The following ZNF66 variants were observed in gnomAD, a reference collection of about 807,000 sequenced individuals.
ZNF66 encodes the protein putative zinc finger protein 66.
In ZNF66, 32 loss-of-function variants were observed where a neutral mutation model predicts 35.2. That is an observed-to-expected ratio of 0.91 (90% CI 0.69 to 1.22). ZNF66 has a LOEUF of 1.22. Among genes scored for constraint, ZNF66 ranks in the 50% most tolerant of loss-of-function variants. The probability of loss-of-function intolerance (pLI) is 0.00; values close to 1 mark genes in which losing one functional copy is unlikely to be tolerated. For missense variants in ZNF66, 666 were observed against 543.1 expected (o/e 1.23, Z -2.25); for synonymous variants, 231 against 181.3 (o/e 1.27, Z -2.20).
chr19:20,793,096 A>C (rs1489915452), intron 2 of ZNF66, among the ~76,000 whole-genome samples: 4 of 151,586 alleles, frequency 2.6e-5, no homozygotes, highest in Admixed American at 1.3e-4. Context: ...GAAAGAAAAA[A>C]ATTTCTTCAA....
chr19:20,797,712 T>C (rs653199), intron 3 of ZNF66, among the ~76,000 whole-genome samples: 112,868 of 151,732 alleles, frequency 0.74, 42,374 homozygotes, highest in Non-Finnish European at 0.79. Flanking sequence ...TACTGGCGTG[T>C]GCCACCATGC....
At position 20,807,294 on chromosome 19, in the gene ZNF66, A is replaced by G. The variant is rs1368392766; in HGVS notation, c.1694A>G (p.Tyr565Cys). 1.5e-6 allele frequency: 1 copy of G among 660,414 alleles called. No individual in the cohort carries two copies. The highest frequency in any genetic ancestry group is 2.6e-5 in the Admixed American group (1 of 37,996). The allele number at this position is 660,414 out of a possible 1,614,324, so 40.9% of individuals were successfully genotyped here. A position where few individuals can be genotyped will look rare whatever the true frequency, so the allele number is the denominator to read the frequency against. ...ATAATTCATATGGGAGGGAATCCCT[A>G]CAAATGTGAAAATGTGGCAAAGCCT... ...HEIIHMGGNP[Y>C]KCENVAKP The change falls in exon 4 of 4, where the codon TAC (tyrosine) becomes TGC (cysteine). Residue 565 changes from tyrosine (Y) to cysteine (C), a missense_variant. Transcript: ENST00000344519.
intron 1 of ZNF66, among the ~76,000 whole-genome samples, chr19:20,783,471 T>C (rs1469032299): frequency 3.3e-5 from 5 of 152,236 alleles, no homozygotes; most frequent in Non-Finnish European, 7.3e-5. Flanking sequence ...ATTATCTTTA[T>C]CTGGTACTTC....
At chr19:20,797,999 C>A (rs1177766879) in intron 3 of ZNF66, among the ~76,000 whole-genome samples, 1 of 152,136 alleles carries the variant, frequency 6.6e-6, no homozygotes, top group Non-Finnish European at 1.5e-5. Context: ...ATGTCTGTCA[C>A]AATCAGGTTA....
chr19:20,786,632 CAGAG>C (rs1971289625), intron 1 of ZNF66, among the ~76,000 whole-genome samples: 2 of 150,420 alleles, frequency 1.3e-5, no homozygotes, highest in African/African-American at 4.9e-5. Flanking sequence ...TTATCAAACT[CAGAG>C]AGACATTAAA....
intron 1 of ZNF66, chr19:20,784,877 A>G (rs1971273487): frequency 6.5e-6 from 1 of 152,680 alleles, no homozygotes; most frequent in Admixed American, 6.6e-5. Flanking sequence ...CCTTCTCTCA[A>G]AATTATCTTG....
In ZNF66 at chr19:20,792,518, T is replaced by C; in HGVS notation, c.10T>C (p.Leu4=). 2 of 1,528,584 alleles carry C rather than the reference T, an allele frequency of 1.3e-6. No individual in the cohort carries two copies. Among genetic ancestry groups the C allele is most frequent in the East Asian group, 2.3e-5 (1 of 44,206 alleles). The allele number at this position is 1,528,584 out of a possible 1,614,324, so 94.7% of individuals were successfully genotyped here. A position where few individuals can be genotyped will look rare whatever the true frequency, so the allele number is the denominator to read the frequency against. ...GTGTGTGTATATTTTTCAGGGGCCA[T>C]TGCAATTTAGAGATGTGGCCATAGA... MGP[L]QFRDVAIEFS... is the part of the protein sequence containing the mutation. Residue 4 remains leucine, a synonymous_variant, in exon 2 of 4, where the codon TTG becomes CTG. Transcript: ENST00000344519.
chr19:20,798,140 C>T (rs1482199973), intron 3 of ZNF66, among the ~76,000 whole-genome samples: 1 of 151,660 alleles, frequency 6.6e-6, no homozygotes, highest in African/African-American at 2.4e-5. Context: ...CTTATTTTAC[C>T]ATGTGTTTAG....
chr19:20,790,194 A>C (rs184143478), intron 1 of ZNF66, among the ~76,000 whole-genome samples: 1 of 152,394 alleles, frequency 6.6e-6, no homozygotes, highest in East Asian at 1.9e-4. Context: ...CTTAGTGATT[A>C]TCAGCCCAGG....
chr19:20,776,312 C>A lies in ZNF66; in HGVS notation c.-136C>A. On this transcript the variant is annotated 5_prime_UTR_variant, in exon 1 of 4. In the 5' UTR this introduces an upstream ATG that the reference lacks. Coordinates refer to ENST00000344519, the MANE Select transcript of ZNF66 (RefSeq NM_001355197.2). Reference sequence around the variant, plus strand: ...GATTTGGCGGGGTCTTTGTCTCTCCCTGCAGCTGGAGCTCCAGGTCGTCTG... The same window carrying A: ...GATTTGGCGGGGTCTTTGTCTCTCCATGCAGCTGGAGCTCCAGGTCGTCTG... The A allele has an allele frequency of 7.2e-7, 1 of 1,391,152 alleles. No individual in the cohort carries two copies. The highest frequency in any genetic ancestry group is 1.0e-6 in the Non-Finnish European group (1 of 984,216). 86.2% of individuals were successfully genotyped at this position (1,391,152 alleles called of 1,614,324 possible). A position where few individuals can be genotyped will look rare whatever the true frequency, so the allele number is the denominator to read the frequency against.
intron 1 of ZNF66, among the ~76,000 whole-genome samples, chr19:20,789,440 G>C (rs1971316322): frequency 6.6e-6 from 1 of 152,210 alleles, no homozygotes; most frequent in African/African-American, 2.4e-5. Context: ...AGATAAATGG[G>C]ATAAATAACG....
rs779022565 is a variant in ZNF66, at chr19:20,776,484, G to C, written c.3+34G>C. ...GCCGGTCCAGCATCCCGAGAGAGGT[G>C]AAGTGTCTGTGGCGGGACTCAGGCC... On this transcript the variant is annotated intron_variant, in intron 1 of 3. Transcript: ENST00000344519. 7.2e-6 allele frequency: 11 copies of C among 1,532,246 alleles called. No homozygotes were observed. The African/African-American group carries it at 1.4e-4, about 19-fold the overall frequency. The allele number at this position is 1,532,246 out of a possible 1,614,324, so 94.9% of individuals were successfully genotyped here.
At position 20,792,530 on chromosome 19, in the gene ZNF66, G is replaced by GGCC. The variant is rs1971347762; in HGVS notation, c.22_23insGCC (p.Asp8delinsGlyHis). On this transcript the variant is annotated protein_altering_variant, in exon 2 of 4. Coordinates refer to ENST00000344519, the MANE Select transcript of ZNF66 (RefSeq NM_001355197.2). ...TTTTCAGGGGCCATTGCAATTTAGA[G>GGCC]ATGTGGCCATAGAATTCTCTCTGGA... The GGCC allele has an allele frequency of 6.5e-7, 1 of 1,534,366 alleles. No individual in the cohort carries two copies. Among genetic ancestry groups the GGCC allele is most frequent in the Non-Finnish European group, 9.0e-7 (1 of 1,112,704 alleles).
chr19:20,799,703 C>G (rs1599553390), intron 3 of ZNF66, among the ~76,000 whole-genome samples: 1 of 152,240 alleles, frequency 6.6e-6, no homozygotes, highest in African/African-American at 2.4e-5. Flanking sequence ...TTATTTCTCT[C>G]TATTTTGTAT....
At chr19:20,781,595 C>T (rs1352642978) in intron 1 of ZNF66, among the ~76,000 whole-genome samples, 1 of 149,530 alleles carries the variant, frequency 6.7e-6, no homozygotes, top group Admixed American at 6.6e-5. Flanking sequence ...CCTCAACTTC[C>T]ACCTCCCGGT....
chr19:20,776,485 A>T, intron 1 of ZNF66, 35 bp downstream of exon 1: 2 of 1,531,730 alleles, frequency 1.3e-6, no homozygotes, highest in Non-Finnish European at 1.8e-6. Context: ...GAGAGAGGTG[A>T]AGTGTCTGTG....
intron 1 of ZNF66, among the ~76,000 whole-genome samples, chr19:20,785,698 T>C (rs1971280694): frequency 6.6e-6 from 1 of 152,150 alleles, no homozygotes; most frequent in African/African-American, 2.4e-5. Flanking sequence ...ACCATTTTCT[T>C]TTTCTGGGGC....
At chr19:20,779,820 C>CGGGAGGCTGAGGCA (rs1001407577) in intron 1 of ZNF66, among the ~76,000 whole-genome samples, 2 of 150,096 alleles carry the variant, frequency 1.3e-5, no homozygotes, top group Non-Finnish European at 3.0e-5. Flanking sequence ...CCCATCTACT[C>CGGGAGGCTGAGGCA]GGGAGGCTGA....
At chr19:20,801,828 C>G (rs1599554166) in intron 3 of ZNF66, among the ~76,000 whole-genome samples, 1 of 151,880 alleles carries the variant, frequency 6.6e-6, no homozygotes, top group African/African-American at 2.4e-5. Flanking sequence ...AGAGTTTTGC[C>G]ATGTTGCCCA....
Sources: gnomAD v4.1 joint callset for allele counts (sites outside exome capture counted in the v4.1 genomes callset) on GRCh38, gnomAD v4.1.1 for gene constraint, MANE v1.5 for transcripts, NCBI Gene and HGNC (gene_info 2026-07-23, HGNC 2026-07-21) for gene names.